Variants in POU2F1 observed in about 807,000 individuals in gnomAD.
The protein encoded by POU2F1 is POU class 2 homeobox 1.
A neutral mutation model predicts 84.9 loss-of-function variants in POU2F1; 16 were observed. That is an observed-to-expected ratio of 0.19 (90% CI 0.13 to 0.29). The LOEUF is 0.29. POU2F1 is among the 10% of genes least tolerant of loss of function. The pLI is 1.00. For synonymous variants in POU2F1, 368 were observed against 368.3 expected (o/e 1.00, Z 0.01); for missense variants, 738 against 942.6 (o/e 0.78, Z 2.84).
intron 1 of POU2F1, among the ~76,000 whole-genome samples, chr1:167,230,718 T>C (rs1649006493): frequency 6.6e-6 from 1 of 152,240 alleles, no homozygotes; most frequent in Non-Finnish European, 1.5e-5. Flanking sequence ...CACTTCATTA[T>C]ACACAGTCCT....
In POU2F1 at chr1:167,418,464, T is replaced by C. The variant is rs1272899506; in HGVS notation, c.*2654T>C. 1 of 152,238 alleles carries C rather than the reference T, an allele frequency of 6.6e-6. No individual in the cohort carries two copies. Among genetic ancestry groups the C allele is most frequent in the Non-Finnish European group, 1.5e-5 (1 of 68,042 alleles). 9.4% of individuals were successfully genotyped at this position (152,238 alleles called of 1,614,324 possible). A position where few individuals can be genotyped will look rare whatever the true frequency, so the allele number is the denominator to read the frequency against. ...CTATCAGTAATGCTGTAGCTGCCCA[T>C]AATAATGAGTCCCTCCCTTGGGAGT... is the stretch of plus-strand genomic sequence containing the variant. On this transcript the variant is annotated 3_prime_UTR_variant, in exon 16 of 16. Transcript: ENST00000367866.
chr1:167,290,599 TG>T (rs1433818730), intron 1 of POU2F1, among the ~76,000 whole-genome samples: 2 of 152,248 alleles, frequency 1.3e-5, no homozygotes, highest in Non-Finnish European at 2.9e-5. Context: ...TCTGACCCCA[TG>T]GAGCAGAGTA....
chr1:167,287,657 T>C (rs1298342116), intron 1 of POU2F1, among the ~76,000 whole-genome samples: 1 of 152,206 alleles, frequency 6.6e-6, no homozygotes, highest in Non-Finnish European at 1.5e-5. Flanking sequence ...TTCAAAGTTA[T>C]GGAAAATAGA....
intron 12 of POU2F1, among the ~76,000 whole-genome samples, chr1:167,400,531 C>G (rs939938280): frequency 6.6e-6 from 1 of 152,176 alleles, no homozygotes; most frequent in Non-Finnish European, 1.5e-5. Flanking sequence ...ACCTTCAGTT[C>G]TGAACTTGTA....
At position 167,312,179 on chromosome 1, in the gene POU2F1, A is replaced by AC. The variant is rs541474539; in HGVS notation, c.62-20285dup. On this transcript the variant is annotated intron_variant, in intron 1 of 15. Transcript: ENST00000367866. ...TCTTGAACTCCTCACCTTATGATCC[A>AC]CCCCCCTTGGCCTCCCAAAGTGCTG... 7.1e-3 allele frequency among the ~76,000 whole-genome samples: 1,027 copies of AC among 145,160 alleles called. 8 individuals are homozygous for AC. The highest frequency in any genetic ancestry group is 9.9e-3 in the East Asian group (48 of 4,866).
At chr1:167,394,377 C>A (rs1648654659) in intron 9 of POU2F1, among the ~76,000 whole-genome samples, 1 of 152,150 alleles carries the variant, frequency 6.6e-6, no homozygotes, top group African/African-American at 2.4e-5. Flanking sequence ...TAAACATAAT[C>A]ATCTGTGTCT....
In POU2F1 at chr1:167,372,398, A is replaced by G. The variant is rs977357749; in HGVS notation, c.402+362A>G. ...TGGCATTAAGACATCACTGCAGGGT[A>G]GAAGTTAAAGAATGGATTAGTACCT... On this transcript the variant is annotated intron_variant, in intron 5 of 15. Coordinates refer to ENST00000367866, the MANE Select transcript of POU2F1 (RefSeq NM_002697.4). Among the ~76,000 whole-genome samples the G allele has an allele frequency of 5.3e-5, 8 of 152,220 alleles. 1 individual carries two copies. Among genetic ancestry groups the G allele is most frequent in the Non-Finnish European group, 1.2e-4 (8 of 68,020 alleles).
intron 2 of POU2F1, among the ~76,000 whole-genome samples, chr1:167,348,854 A>C (rs1180178386): frequency 6.6e-6 from 1 of 152,174 alleles, no homozygotes; most frequent in East Asian, 1.9e-4. Flanking sequence ...AGAGCAAGTA[A>C]GTGCTCTGCT....
At chr1:167,415,420 C>T (rs1650235497) in intron 15 of POU2F1, 80 bp from the exon 16 acceptor site, 2 of 1,459,076 alleles carry the variant, frequency 1.4e-6, no homozygotes, top group African/African-American at 2.8e-5. Context: ...AAATGATAGA[C>T]TTTTGATGTG....
intron 1 of POU2F1, among the ~76,000 whole-genome samples, chr1:167,318,303 A>G (rs1372829186): frequency 6.6e-6 from 1 of 152,154 alleles, no homozygotes; most frequent in Non-Finnish European, 1.5e-5. Flanking sequence ...AGATAATAGG[A>G]ACTCTTGCCA....
intron 1 of POU2F1, among the ~76,000 whole-genome samples, chr1:167,317,026 G>C (rs987193385): frequency 2.0e-5 from 3 of 152,080 alleles, no homozygotes; most frequent in Non-Finnish European, 4.4e-5. Context: ...TCAGTAGCTG[G>C]GACTATAGGC....
chr1:167,332,482 A>G lies in POU2F1; in HGVS notation c.74A>G (p.Asn25Ser). 1 of 1,610,166 alleles carries G rather than the reference A, an allele frequency of 6.2e-7. No homozygotes were observed. Among genetic ancestry groups the G allele is most frequent in the Non-Finnish European group, 8.5e-7 (1 of 1,176,526 alleles). Residue 25 changes from asparagine (N) to serine (S), a missense_variant, in exon 2 of 16, where the codon AAC (asparagine) becomes AGC (serine). Physicochemically the swap from Asn to Ser is conservative, Grantham distance 46. Coordinates refer to ENST00000367866, the MANE Select transcript of POU2F1 (RefSeq NM_002697.4). ...TGATTTATTGCAGACTCAAGAATGA[A>G]CAATCCGTCAGAAACCAGTAAACCA... ...AAAAAADSRMNNPSETSKPSM... is the reference protein window; with the variant it reads ...AAAAAADSRMSNPSETSKPSM...
At chr1:167,401,807 G>A (rs1489070040) in intron 13 of POU2F1, among the ~76,000 whole-genome samples, 1 of 152,178 alleles carries the variant, frequency 6.6e-6, no homozygotes. Flanking sequence ...TCTCCCACTA[G>A]TCTTTTGCCT....
intron 1 of POU2F1, among the ~76,000 whole-genome samples, chr1:167,221,275 G>C (rs1268285365): frequency 6.6e-6 from 1 of 151,336 alleles, no homozygotes; most frequent in Non-Finnish European, 1.5e-5. Context: ...GGCCGCCGCT[G>C]CCGCCTCCTC....
At chr1:167,373,042 G>A (rs1557936109) in intron 5 of POU2F1, among the ~76,000 whole-genome samples, 1 of 151,596 alleles carries the variant, frequency 6.6e-6, no homozygotes, top group Non-Finnish European at 1.5e-5. Context: ...AGAGATGTAT[G>A]TATATATATA....
chr1:167,320,343 G>C (rs1656223738), intron 1 of POU2F1, among the ~76,000 whole-genome samples: 1 of 152,150 alleles, frequency 6.6e-6, no homozygotes, highest in Non-Finnish European at 1.5e-5. Context: ...ACCATTACTA[G>C]ACCCATCTGT....
rs1227860515 is a variant in POU2F1 at position 167,416,620 on chromosome 1, G to C, written c.*810G>C. 1 of 152,996 alleles carries C rather than the reference G, an allele frequency of 6.5e-6. No individual in the cohort carries two copies. The highest frequency in any genetic ancestry group is 2.4e-5 in the African/African-American group (1 of 41,472). 9.5% of individuals were successfully genotyped at this position (152,996 alleles called of 1,614,324 possible). A position where few individuals can be genotyped will look rare whatever the true frequency, so the allele number is the denominator to read the frequency against. ...CCACTTATGCAAGAGGCTTGGTGCA[G>C]AAGCTGAAGGCAGTGTGTGCAAACA... is the stretch of plus-strand genomic sequence containing the variant. On this transcript the variant is annotated 3_prime_UTR_variant, in exon 16 of 16. Coordinates refer to ENST00000367866, the MANE Select transcript of POU2F1 (RefSeq NM_002697.4).
chr1:167,376,142 C>A lies in POU2F1; in HGVS notation c.705C>A (p.Pro235=), dbSNP rs769123676. The A allele has an allele frequency of 6.2e-7, 1 of 1,614,196 alleles. No homozygotes were observed. Among genetic ancestry groups the A allele is most frequent in the East Asian group, 2.2e-5 (1 of 44,886 alleles). ...CGCAGTTTATCATCTCACAGACGCCCCAGGGCCAGCAGGGTGAGCTCCTCC... is the reference window on the plus strand; with the variant it reads ...CGCAGTTTATCATCTCACAGACGCCACAGGGCCAGCAGGGTGAGCTCCTCC... The part of the protein sequence containing the change: ...QPAQFIISQT[P]QGQQGLLQAQ... The change falls in exon 7 of 16, where the codon CCC becomes CCA. Residue 235 remains proline (P), a synonymous_variant. Transcript: ENST00000367866.
intron 13 of POU2F1, among the ~76,000 whole-genome samples, chr1:167,410,136 A>G (rs565046285): frequency 5.3e-4 from 81 of 152,366 alleles, no homozygotes; most frequent in Admixed American, 1.2e-3. Flanking sequence ...ATTTAGGGGC[A>G]GTGGCAATAA....
Sources: allele counts gnomAD v4.1 joint callset (sites outside exome capture counted in the v4.1 genomes callset), GRCh38; gene constraint gnomAD v4.1.1; transcripts MANE v1.5; gene names NCBI Gene and HGNC (gene_info 2026-07-23, HGNC 2026-07-21).